The following MGAT4C variants were observed in gnomAD, a reference collection of about 807,000 sequenced individuals.
The protein encoded by MGAT4C is MGAT4 family member C, also known as alpha-1,3-mannosyl-glycoprotein 4-beta-N-acetylglucosaminyltransferase C.
MGAT4C carries 19 observed loss-of-function variants against 40.1 expected under a neutral mutation model. The observed-to-expected ratio is 0.47, with a 90% CI of 0.33 to 0.70. MGAT4C has a LOEUF of 0.70. MGAT4C is among the 30% of genes least tolerant of loss of function. The pLI is 0.02. For synonymous variants in MGAT4C, 181 were observed against 187.1 expected (o/e 0.97, Z 0.27); for missense variants, 491 against 563.2 (o/e 0.87, Z 1.30).
chr12:86,361,853 T>C (rs1438422060), intron 3 of MGAT4C, among the ~76,000 whole-genome samples: 2 of 152,144 alleles, frequency 1.3e-5, no homozygotes, highest in East Asian at 3.9e-4. Flanking sequence ...CTGGAGAAAA[T>C]GTGGAGAAAC....
intron 2 of MGAT4C, among the ~76,000 whole-genome samples, chr12:86,617,854 A>C (rs914172194): frequency 6.6e-6 from 1 of 152,184 alleles, no homozygotes; most frequent in African/African-American, 2.4e-5. Context: ...AAAGCAAAAA[A>C]TTTCTGCATA....
chr12:86,527,560 T>C (rs192328858), intron 2 of MGAT4C, among the ~76,000 whole-genome samples: 54 of 152,316 alleles, frequency 3.5e-4, no homozygotes, highest in African/African-American at 1.3e-3. Context: ...AGGGCTTGCA[T>C]TGAATCTGTG....
intron 1 of MGAT4C, among the ~76,000 whole-genome samples, chr12:86,251,634 A>G (rs1952284883): frequency 6.6e-6 from 1 of 151,968 alleles, no homozygotes; most frequent in Admixed American, 6.6e-5. Context: ...TTTCTTCCCC[A>G]TATTATTGGT....
chr12:86,038,795 G>C (rs564533534), intron 2 of MGAT4C, among the ~76,000 whole-genome samples: 7 of 149,736 alleles, frequency 4.7e-5, no homozygotes, highest in African/African-American at 1.7e-4. Context: ...TGGGTATTTT[G>C]CCCGTTAGTT....
chr12:86,777,352 CA>C (rs1408674753), intron 1 of MGAT4C, among the ~76,000 whole-genome samples: 1 of 152,122 alleles, frequency 6.6e-6, no homozygotes, highest in Non-Finnish European at 1.5e-5. Context: ...TGAATTCTGT[CA>C]CCTCTGCTTG....
chr12:86,034,915 T>A (rs541188145), intron 2 of MGAT4C, among the ~76,000 whole-genome samples: 1 of 150,142 alleles, frequency 6.7e-6, no homozygotes, highest in Non-Finnish European at 1.5e-5. Flanking sequence ...GAACTCATCC[T>A]TTTTTATGGC....
chr12:86,384,874 T>C (rs1956022263), intron 3 of MGAT4C, among the ~76,000 whole-genome samples: 1 of 152,184 alleles, frequency 6.6e-6, no homozygotes, highest in South Asian at 2.1e-4. Context: ...CCTCTGCTCC[T>C]TTGCCACTAT....
In MGAT4C at chr12:86,437,006, C is replaced by T. The variant is rs112423523; in HGVS notation, c.-228-1741G>A. Among the ~76,000 whole-genome samples, 993 of 151,360 alleles carry T rather than the reference C, an allele frequency of 6.6e-3. 11 individuals are homozygous for T. Among genetic ancestry groups the T allele is most frequent in the African/African-American group, 0.023 (948 of 41,340 alleles). On this transcript the variant is annotated intron_variant, in intron 2 of 7. Transcript: ENST00000548651. The stretch of plus-strand genomic sequence containing the variant: ...AAATATCTCCACTTTATGTAATTTT[C>T]GATGTAGAAATGAAAATAATTAGCC...
chr12:86,017,156 G>A (rs1889164912), intron 2 of MGAT4C, among the ~76,000 whole-genome samples: 1 of 152,064 alleles, frequency 6.6e-6, no homozygotes, highest in East Asian at 1.9e-4. Context: ...TATCACTTGA[G>A]TACTCAGCGG....
chr12:86,014,715 T>C (rs991457271), intron 2 of MGAT4C, among the ~76,000 whole-genome samples: 2 of 152,148 alleles, frequency 1.3e-5, no homozygotes, highest in African/African-American at 4.8e-5. Context: ...GTATGTATTT[T>C]TCAGGGCCTG....
Position 86,042,645 on chromosome 12 carries a change from C to T in MGAT4C, c.-7+7029G>A, listed in dbSNP as rs140991899. Among the ~76,000 whole-genome samples, 692 of 151,988 alleles carry T rather than the reference C, an allele frequency of 4.6e-3. 6 individuals are homozygous for T. Among genetic ancestry groups the T allele is most frequent in the African/African-American group, 0.016 (657 of 41,444 alleles). The stretch of plus-strand genomic sequence containing the variant: ...GAATGGGAGTTCGAGGTGGGCAGAT[C>T]ACAGGGTCAGGAGATTGAGACCATC... On this transcript the variant is annotated intron_variant, in intron 2 of 4. Coordinates refer to ENST00000611864, the MANE Select transcript of MGAT4C (RefSeq NM_001351288.2).
chr12:86,051,978 T>C (rs1208704189), intron 1 of MGAT4C, among the ~76,000 whole-genome samples: 10 of 151,786 alleles, frequency 6.6e-5, no homozygotes, highest in Admixed American at 4.6e-4. Context: ...ATTGGAGATA[T>C]GTTTCATGTA....
intron 3 of MGAT4C, among the ~76,000 whole-genome samples, chr12:86,353,851 T>A (rs564336350): frequency 6.6e-6 from 1 of 152,214 alleles, no homozygotes; most frequent in East Asian, 1.9e-4. Context: ...TTGAACAGAA[T>A]TGTAGATGTG....
chr12:86,068,924 G>A (rs1894816591), intron 1 of MGAT4C, among the ~76,000 whole-genome samples: 1 of 152,108 alleles, frequency 6.6e-6, no homozygotes, highest in African/African-American at 2.4e-5. Context: ...CTCTGTAAGA[G>A]TTGGTTGATA....
chr12:86,683,917 G>T (rs987502216), intron 2 of MGAT4C, among the ~76,000 whole-genome samples: 14 of 152,118 alleles, frequency 9.2e-5, no homozygotes, highest in Non-Finnish European at 2.1e-4. Flanking sequence ...CTTGTGCCCT[G>T]TATTGGATAT....
At chr12:86,698,071 C>T (rs2136609021) in intron 2 of MGAT4C, among the ~76,000 whole-genome samples, 1 of 151,490 alleles carries the variant, frequency 6.6e-6, no homozygotes, top group East Asian at 1.9e-4. Context: ...GTTTTATAAA[C>T]CTGTGTATTT....
At chr12:86,412,119 G>T (rs1016125401) in intron 3 of MGAT4C, among the ~76,000 whole-genome samples, 3 of 152,222 alleles carry the variant, frequency 2.0e-5, no homozygotes, top group Admixed American at 2.0e-4. Flanking sequence ...TCAGAAGCTT[G>T]TAGCAGGGTT....
At chr12:86,010,902 A>G (rs1275877517) in intron 2 of MGAT4C, among the ~76,000 whole-genome samples, 3 of 152,168 alleles carry the variant, frequency 2.0e-5, no homozygotes, top group Non-Finnish European at 4.4e-5. Context: ...TATAAAAGTT[A>G]GCTTGACTCT....
chr12:86,435,026 AT>A (rs1417352807), intron 3 of MGAT4C: 1 of 151,966 alleles, frequency 6.6e-6, no homozygotes, highest in Non-Finnish European at 1.5e-5. Flanking sequence ...AGTGAAAAAA[AT>A]ATTTCAAAGA....
Sources: allele counts gnomAD v4.1 joint callset (sites outside exome capture counted in the v4.1 genomes callset), GRCh38; gene constraint gnomAD v4.1.1; transcripts MANE v1.5; gene names NCBI Gene and HGNC (gene_info 2026-07-23, HGNC 2026-07-21).